ARHGEF18: variants seen among roughly 807,000 people sequenced by gnomAD.
ARHGEF18 encodes Rho/Rac guanine nucleotide exchange factor 18.
Under a neutral mutation model 155.7 loss-of-function variants are expected in ARHGEF18, and 93 were observed. The ratio of observed to expected loss-of-function variants is 0.60; its 90% CI spans 0.50 to 0.71. ARHGEF18 has a LOEUF of 0.71. Among genes scored for constraint, ARHGEF18 ranks in the 30% least tolerant of loss-of-function variants. The pLI, the probability that ARHGEF18 is intolerant of heterozygous loss-of-function variation, is 0.00. For missense variants in ARHGEF18, 1,593 were observed against 1,816.1 expected (o/e 0.88, Z 2.23); for synonymous variants, 742 against 753.1 (o/e 0.99, Z 0.24).
rs546941969 is a variant in ARHGEF18, at chr19:7,394,297, C to T, written c.967+11094C>T. On this transcript the variant is annotated intron_variant, in intron 10 of 28. Coordinates refer to ENST00000668164, the MANE Select transcript of ARHGEF18 (RefSeq NM_001367823.1). ...TAGAGATGGGGTCTTGCTATGTTGC[C>T]CAGACTGGTGGTCCTGAACTCCTGG... Among the ~76,000 whole-genome samples the T allele has an allele frequency of 2.0e-5, 3 of 152,192 alleles. No homozygotes were observed. The South Asian group carries it at 6.2e-4, about 32-fold the overall frequency.
chr19:7,465,634 C>A (rs914112418), intron 23 of ARHGEF18, among the ~76,000 whole-genome samples: 3 of 152,110 alleles, frequency 2.0e-5, no homozygotes, highest in African/African-American at 7.2e-5. Context: ...GTTTCCAACT[C>A]CTGGGCTCAA....
At chr19:7,456,260 GGGGTGGC>G in intron 17 of ARHGEF18, 60 bp from the exon 18 acceptor site, 5 of 1,446,264 alleles carry the variant, frequency 3.5e-6, no homozygotes, top group Non-Finnish European at 4.9e-6. Context: ...GGCATCCGCG[GGGGTGGC>G]CAGCAAGACC....
Position 7,467,135 on chromosome 19 carries a change from G to C in ARHGEF18, c.3009+17G>C. The C allele has an allele frequency of 6.3e-7, 1 of 1,591,296 alleles. No homozygotes were observed. The highest frequency in any genetic ancestry group is 8.6e-7 in the Non-Finnish European group (1 of 1,164,800). On this transcript the variant is annotated intron_variant, in intron 25 of 28. Transcript: ENST00000668164. ...AACCTTCAGGTACAGGGGCGGGGTG[G>C]GGCCGGCCACGCGTGCCCTTTCCTG...
At chr19:7,478,176 A>T in the ARHGEF18 span, 5 of 885,788 alleles carry the variant, frequency 5.6e-6, no homozygotes, top group Non-Finnish European at 8.7e-6. Flanking sequence ...ACCGCCACCC[A>T]CCAGAGGCTG....
intron 10 of ARHGEF18, among the ~76,000 whole-genome samples, chr19:7,406,753 C>T (rs1972330601): frequency 6.6e-6 from 1 of 152,108 alleles, no homozygotes; most frequent in South Asian, 2.1e-4. Flanking sequence ...TGGTTGCTGA[C>T]TTATATTAAT....
chr19:7,442,570 C>T (rs1045769373), intron 13 of ARHGEF18, among the ~76,000 whole-genome samples: 1 of 150,464 alleles, frequency 6.6e-6, no homozygotes, highest in Admixed American at 6.6e-5. Context: ...TTGGTGCAGC[C>T]CTGCCTCCCA....
chr19:7,449,727 A>G (rs1975241047), intron 15 of ARHGEF18, among the ~76,000 whole-genome samples: 1 of 151,838 alleles, frequency 6.6e-6, no homozygotes, highest in African/African-American at 2.4e-5. Context: ...CCCAGGCTGG[A>G]GTGCAATGGA....
chr19:7,379,173 G>A lies in ARHGEF18; in HGVS notation c.644+7G>A, dbSNP rs970339203. 13 of 1,232,476 alleles carry A rather than the reference G, an allele frequency of 1.1e-5. No individual in the cohort carries two copies. In the African/African-American group the frequency reaches 2.0e-4, roughly 19 times the overall value. The allele number at this position is 1,232,476 out of a possible 1,614,324, so 76.3% of individuals were successfully genotyped here. ...AACTTCGACAGTACCATGGGTAAGT[G>A]GGAATCGGGACAGGCTTGAGGGGAG... On this transcript the variant is annotated splice_region_variant and intron_variant, in intron 7 of 28. Transcript: ENST00000668164.
At chr19:7,435,938 A>G (rs533930698) in intron 10 of ARHGEF18, among the ~76,000 whole-genome samples, 58 of 151,976 alleles carry the variant, frequency 3.8e-4, no homozygotes, top group South Asian at 1.7e-3. Context: ...GGCTCAAGCA[A>G]TTTTCCCACC....
chr19:7,389,052 C>A (rs1568289077), intron 10 of ARHGEF18, among the ~76,000 whole-genome samples: 1 of 151,846 alleles, frequency 6.6e-6, no homozygotes, highest in Non-Finnish European at 1.5e-5. Flanking sequence ...GTGGCACGAT[C>A]ACAGCTTACT....
chr19:7,365,132 C>T (rs185161564), intron 2 of ARHGEF18, among the ~76,000 whole-genome samples: 142 of 152,308 alleles, frequency 9.3e-4, no homozygotes, highest in Non-Finnish European at 1.7e-3. Flanking sequence ...GGCATGGTGG[C>T]TCGTGCCTGT....
chr19:7,369,743 G>A (rs558178595), intron 2 of ARHGEF18, among the ~76,000 whole-genome samples: 1 of 152,238 alleles, frequency 6.6e-6, no homozygotes, highest in East Asian at 1.9e-4. Context: ...GTTTCAGTGA[G>A]CTGATACTAT....
At chr19:7,479,056 G>C in the ARHGEF18 span, among the ~76,000 whole-genome samples, 1 of 152,240 alleles carries the variant, frequency 6.6e-6, no homozygotes, top group Non-Finnish European at 1.5e-5. Flanking sequence ...AATGGGCAGG[G>C]CCTGGTCACA....
At position 7,362,080 on chromosome 19, in the gene ARHGEF18, AAGG is replaced by A. The variant is rs1331525492; in HGVS notation, c.-110-698_-110-696del. On this transcript the variant is annotated intron_variant, in intron 1 of 28. Transcript: ENST00000668164. ...GAAGGAGAAGGAGAAGGAGAAGGAG[AAGG>A]AGAAGGAGAAGGAGAAGGAGAAGGA... Among the ~76,000 whole-genome samples the A allele has an allele frequency of 9.7e-4, 19 of 19,672 alleles. 3 individuals carry two copies. In the East Asian group the frequency reaches 0.01, roughly 10 times the overall value. 12.9% of individuals were successfully genotyped at this position (19,672 alleles called of 152,430 possible). A position where few individuals can be genotyped will look rare whatever the true frequency, so the allele number is the denominator to read the frequency against.
intron 1 of ARHGEF18, among the ~76,000 whole-genome samples, chr19:7,362,032 AAGGAGAAGGAGAAGGAGAAGG>A (rs1969592962): frequency 5.6e-5 from 3 of 53,962 alleles, no homozygotes; most frequent in African/African-American, 1.2e-4. Context: ...GGAGAAGGAG[AAGGAGAAGGAGAAGGAGAAGG>A]AGAAGGAGAA....
chr19:7,370,572 G>A (rs1418778018), intron 2 of ARHGEF18, among the ~76,000 whole-genome samples: 3 of 152,078 alleles, frequency 2.0e-5, no homozygotes, highest in East Asian at 1.9e-4. Context: ...TTCCACTTCT[G>A]GGTATCTTCC....
intron 10 of ARHGEF18, among the ~76,000 whole-genome samples, chr19:7,425,206 T>G (rs969906470): frequency 3.3e-5 from 5 of 152,124 alleles, no homozygotes. Flanking sequence ...CCGCCCTTTT[T>G]TTTTCTAATG....
intron 10 of ARHGEF18, among the ~76,000 whole-genome samples, chr19:7,405,015 T>G (rs954681641): frequency 8.5e-5 from 13 of 152,180 alleles, no homozygotes; most frequent in Non-Finnish European, 1.6e-4. Context: ...TGGAGTGTAA[T>G]GGCATGATCT....
At chr19:7,448,505 CA>C (rs1408859302) in intron 15 of ARHGEF18, among the ~76,000 whole-genome samples, 3 of 152,002 alleles carry the variant, frequency 2.0e-5, no homozygotes, top group Non-Finnish European at 2.9e-5. Flanking sequence ...ACTAAAAGTA[CA>C]AAAAATTAGC....
Sources: allele counts gnomAD v4.1 joint callset (sites outside exome capture counted in the v4.1 genomes callset), GRCh38; gene constraint gnomAD v4.1.1; transcripts MANE v1.5; gene names NCBI Gene and HGNC (gene_info 2026-07-23, HGNC 2026-07-21).